PLD5: variants seen among roughly 807,000 people sequenced by gnomAD.
PLD5 encodes inactive phospholipase D5.
PLD5 carries 36 observed loss-of-function variants against 61.1 expected under a neutral mutation model. That is an observed-to-expected ratio of 0.59 (90% CI 0.45 to 0.78). The LOEUF (loss-of-function observed/expected upper bound fraction) is 0.78. Ranked by LOEUF, PLD5 falls within the 30% of genes least tolerant of loss-of-function variation. The pLI is 0.00. For synonymous variants in PLD5, 243 were observed against 242.8 expected, an observed-to-expected ratio of 1.00 and a Z score of -0.01; for missense variants, 515 against 644.4, an observed-to-expected ratio of 0.80 and a Z score of 2.17.
At chr1:242,113,853 G>A (rs1356618928) in intron 7 of PLD5, 37 bp downstream of exon 7, 4 of 1,598,696 alleles carry the variant, frequency 2.5e-6, no homozygotes, top group Non-Finnish European at 3.4e-6. Context: ...CTGGTCTTAG[G>A]GACTGGGTTC....
At chr1:242,266,795 A>C (rs71498825) in intron 3 of PLD5, among the ~76,000 whole-genome samples, 1 of 142,360 alleles carries the variant, frequency 7.0e-6, no homozygotes, top group Non-Finnish European at 1.6e-5. Flanking sequence ...GGAGGCAGAG[A>C]GGTGATTCCT....
At chr1:242,221,899 T>TA (rs1256466197) in intron 4 of PLD5, among the ~76,000 whole-genome samples, 4 of 152,150 alleles carry the variant, frequency 2.6e-5, no homozygotes, top group Non-Finnish European at 5.9e-5. Context: ...CTAGGTCTGC[T>TA]ATAACAAAGT....
At chr1:242,135,236 A>G (rs1663627251) in intron 5 of PLD5, among the ~76,000 whole-genome samples, 1 of 152,182 alleles carries the variant, frequency 6.6e-6, no homozygotes. Context: ...TATATGTATA[A>G]TCAGCTTAGG....
chr1:242,400,438 T>G (rs1663867192), intron 1 of PLD5, among the ~76,000 whole-genome samples: 1 of 152,054 alleles, frequency 6.6e-6, no homozygotes, highest in Non-Finnish European at 1.5e-5. Context: ...AAAAGCAAAC[T>G]TTTCAAAAGG....
chr1:242,481,302 T>C lies in PLD5; in HGVS notation c.189+42786A>G, dbSNP rs868581407. ...AAGTGCAAGGGGTCAGGGAATTCCC[T>C]TTCCTAGCCAAGGAAAGGGGTGACA... On this transcript the variant is annotated intron_variant, in intron 1 of 9. Transcript: ENST00000536534. Among the ~76,000 whole-genome samples the C allele has an allele frequency of 4.1e-4, 62 of 152,310 alleles. No homozygotes were observed. In the Middle Eastern group the frequency reaches 0.017, roughly 42 times the overall value.
chr1:242,168,253 T>G (rs1186044601), intron 5 of PLD5, among the ~76,000 whole-genome samples: 1 of 152,222 alleles, frequency 6.6e-6, no homozygotes, highest in Non-Finnish European at 1.5e-5. Flanking sequence ...TATGAACGTG[T>G]CAACAATGAA....
At chr1:242,248,718 T>C (rs986910618) in intron 4 of PLD5, among the ~76,000 whole-genome samples, 1 of 152,080 alleles carries the variant, frequency 6.6e-6, no homozygotes, top group Non-Finnish European at 1.5e-5. Flanking sequence ...CCTCTTCCTT[T>C]TAGGTTGGTA....
intron 1 of PLD5, among the ~76,000 whole-genome samples, chr1:242,423,022 T>A (rs573716287): frequency 8.6e-5 from 13 of 151,996 alleles, no homozygotes; most frequent in East Asian, 5.8e-4. Flanking sequence ...CTATTTTTTT[T>A]AAATTTTTAG....
intron 5 of PLD5, among the ~76,000 whole-genome samples, chr1:242,147,832 A>G (rs1034224251): frequency 2.0e-5 from 3 of 152,130 alleles, no homozygotes; most frequent in African/African-American, 7.2e-5. Context: ...CTGTTCACAT[A>G]TTTGGCACAG....
intron 5 of PLD5, among the ~76,000 whole-genome samples, chr1:242,157,145 C>A (rs565187971): frequency 6.6e-6 from 1 of 152,032 alleles, no homozygotes; most frequent in Non-Finnish European, 1.5e-5. Flanking sequence ...TTGATCAATT[C>A]GGCTATTGAT....
intron 2 of PLD5, among the ~76,000 whole-genome samples, chr1:242,317,008 CT>C (rs913777385): frequency 1.8e-3 from 264 of 144,080 alleles, no homozygotes; most frequent in African/African-American, 2.4e-3. Flanking sequence ...ATCCAGTCTA[CT>C]TTTTTTTTTT....
chr1:242,199,114 T>G (rs1023664309), intron 5 of PLD5, among the ~76,000 whole-genome samples: 7 of 152,236 alleles, frequency 4.6e-5, no homozygotes, highest in Non-Finnish European at 8.8e-5. Context: ...GAAAATTAAT[T>G]TTCCCTGTTT....
chr1:242,333,422 C>T (rs907173010), intron 2 of PLD5, among the ~76,000 whole-genome samples: 2 of 152,030 alleles, frequency 1.3e-5, no homozygotes, highest in Non-Finnish European at 1.5e-5. Context: ...GCAATGCATT[C>T]GCTGGAAAGG....
intron 2 of PLD5, among the ~76,000 whole-genome samples, chr1:242,323,709 G>A (rs1159321578): frequency 6.6e-6 from 1 of 152,068 alleles, no homozygotes; most frequent in Non-Finnish European, 1.5e-5. Flanking sequence ...TTACTCAGCA[G>A]GAAAGCACAT....
rs1463808695 is a variant in PLD5, at chr1:242,207,989, T to TACACAC, written c.735+11998_735+11999insGTGTGT. Among the ~76,000 whole-genome samples, 9 of 18,108 alleles carry TACACAC rather than the reference T, an allele frequency of 5.0e-4. 2 individuals are homozygous for TACACAC. The highest frequency in any genetic ancestry group is 3.4e-3 in the Admixed American group (2 of 582). 11.9% of individuals were successfully genotyped at this position (18,108 alleles called of 152,430 possible). On this transcript the variant is annotated intron_variant, in intron 5 of 9. Coordinates refer to ENST00000536534, the MANE Select transcript of PLD5 (RefSeq NM_001372062.1). ...TTATATATATTTTTATATATATATT[T>TACACAC]ATACACACACACACACACACACACA...
At chr1:242,397,417 C>G (rs1029502462) in intron 1 of PLD5, among the ~76,000 whole-genome samples, 5 of 151,770 alleles carry the variant, frequency 3.3e-5, no homozygotes, top group African/African-American at 1.2e-4. Flanking sequence ...AGTATTTAAC[C>G]ATTTTTTATT....
intron 5 of PLD5, among the ~76,000 whole-genome samples, chr1:242,175,546 G>A (rs943948316): frequency 6.6e-6 from 1 of 152,146 alleles, no homozygotes; most frequent in Non-Finnish European, 1.5e-5. Flanking sequence ...CATAAGACAA[G>A]GATGCCTTCT....
Position 242,364,553 on chromosome 1 carries a change from T to C in PLD5, c.190-16311A>G, listed in dbSNP as rs190032794. 8.9e-3 allele frequency among the ~76,000 whole-genome samples: 1,345 copies of C among 151,934 alleles called. 25 individuals carry two copies. Among genetic ancestry groups the C allele is most frequent in the African/African-American group, 0.031 (1,284 of 41,460 alleles). On this transcript the variant is annotated intron_variant, in intron 1 of 9. Transcript: ENST00000536534. ...CCAACATGGTGAAGCCCCATCTCTA[T>C]TAAAAATACAAAATTAGCTGAGTGT...
chr1:242,484,077 TA>T, intron 1 of PLD5, among the ~76,000 whole-genome samples: 1 of 152,200 alleles, frequency 6.6e-6, no homozygotes, highest in East Asian at 1.9e-4. Context: ...GAGGGAAATT[TA>T]TAGCACTAAA....
Sources: gnomAD v4.1 joint callset for allele counts (sites outside exome capture counted in the v4.1 genomes callset) on GRCh38, gnomAD v4.1.1 for gene constraint, MANE v1.5 for transcripts, NCBI Gene and HGNC (gene_info 2026-07-23, HGNC 2026-07-21) for gene names.